The following TRIM72 variants were observed in gnomAD, a reference collection of about 807,000 sequenced individuals.
The protein encoded by TRIM72 is tripartite motif-containing protein 72.
A neutral mutation model predicts 31.6 loss-of-function variants in TRIM72; 33 were observed. The ratio of observed to expected loss-of-function variants is 1.04; its 90% CI spans 0.79 to 1.40. The LOEUF (loss-of-function observed/expected upper bound fraction) is 1.40, where lower values mean the gene tolerates loss of function less well. Among genes scored for constraint, TRIM72 ranks in the 40% most tolerant of loss-of-function variants. TRIM72 has a pLI of 0.00. For missense variants in TRIM72, 666 were observed against 682.7 expected (o/e 0.98, Z 0.27); for synonymous variants, 301 against 314.4 (o/e 0.96, Z 0.45).
In TRIM72 at chr16:31,216,450, A is replaced by G. The variant is rs2079509035; in HGVS notation, c.390+1322A>G. ...AAAAAAAACAAAAAACAAACAAACA[A>G]AAAAAACCCAACCTCGCCCAACCTT... On this transcript the variant is annotated intron_variant, in intron 2 of 6. Transcript: ENST00000322122. This position sits in a 1 kb window ranked among gnomAD's most constrained non-coding sequence, Gnocchi z 6.7. The G allele has an allele frequency of 5.2e-6, 2 of 383,118 alleles. No individual in the cohort carries two copies. The highest frequency in any genetic ancestry group is 9.3e-6 in the Non-Finnish European group (2 of 214,510). The allele number at this position is 383,118 out of a possible 1,614,324, so 23.7% of individuals were successfully genotyped here. A position where few individuals can be genotyped will look rare whatever the true frequency, so the allele number is the denominator to read the frequency against.
At chr16:31,223,082 G>A in intron 6 of TRIM72, 137 bp downstream of exon 6, 1 of 697,186 alleles carries the variant, frequency 1.4e-6, no homozygotes, top group Non-Finnish European at 2.5e-6. Context: ...CCTCTGGACT[G>A]CCGCTGCAGT....
At chr16:31,214,453 G>A (rs1013253731) in intron 1 of TRIM72, among the ~76,000 whole-genome samples, 156 bp downstream of exon 1, 2 of 152,212 alleles carry the variant, frequency 1.3e-5, no homozygotes, top group African/African-American at 4.8e-5. Context: ...AGGACAGTGG[G>A]CTAGAATCTG....
In TRIM72 at chr16:31,215,734, G is replaced by C. The variant is rs1201980822; in HGVS notation, c.390+606G>C. 6.6e-6 allele frequency among the ~76,000 whole-genome samples: 1 copy of C among 152,216 alleles called. No individual in the cohort carries two copies. Among genetic ancestry groups the C allele is most frequent in the Non-Finnish European group, 1.5e-5 (1 of 68,040 alleles). On this transcript the variant is annotated intron_variant, in intron 2 of 6. Transcript: ENST00000322122. The surrounding 1 kb of genome is among the most constrained non-coding windows in gnomAD (Gnocchi z 6.3). ...AGCCGGGATCTGCACTTATGTGTGC[G>C]GGCCCAGGGTGGCACCGAGAGCCCC...
rs200183365 is a variant in TRIM72 at position 31,219,554 on chromosome 16, C to T, written c.717+35C>T. The T allele has an allele frequency of 4.0e-4, 628 of 1,566,436 alleles. No homozygotes were observed. Among genetic ancestry groups the T allele is most frequent in the Non-Finnish European group, 5.1e-4 (591 of 1,150,776 alleles). On this transcript the variant is annotated intron_variant, in intron 4 of 6. Transcript: ENST00000322122. The surrounding 1 kb of genome is among the most constrained non-coding windows in gnomAD (Gnocchi z 4.2). ...GGGTGACCCCCCTCCCTGCCTCAGC[C>T]CCCTGCTCAGGGCCCAGAGACCTCA...
rs2079553964 is a variant in TRIM72 at position 31,225,912 on chromosome 16, G to A, written c.*1157G>A. 1 of 151,358 alleles carries A rather than the reference G, an allele frequency of 6.6e-6. No individual in the cohort carries two copies. Among genetic ancestry groups the A allele is most frequent in the South Asian group, 2.1e-4 (1 of 4,800 alleles). The allele number at this position is 151,358 out of a possible 1,614,324, so 9.4% of individuals were successfully genotyped here. On this transcript the variant is annotated 3_prime_UTR_variant, in exon 7 of 7. Coordinates refer to ENST00000322122, the MANE Select transcript of TRIM72 (RefSeq NM_001008274.4). The stretch of plus-strand genomic sequence containing the variant: ...GATTCACCCGCCTTGGCCTCCCATA[G>A]TGCTGGGATTACAGACATGAGCCAC...
intron 2 of TRIM72, chr16:31,217,100 A>C: frequency 6.8e-7 from 1 of 1,470,314 alleles, no homozygotes; most frequent in Non-Finnish European, 9.2e-7. Context: ...CAGCAGGTGG[A>C]GCTGCCGCCC....
chr16:31,223,112 G>A (rs1025942054), intron 6 of TRIM72, among the ~76,000 whole-genome samples, 167 bp downstream of exon 6: 2 of 152,134 alleles, frequency 1.3e-5, no homozygotes, highest in African/African-American at 4.8e-5. Flanking sequence ...TGTGTTGGGA[G>A]GAGGGCCTTT....
intron 6 of TRIM72, among the ~76,000 whole-genome samples, 175 bp downstream of exon 6, chr16:31,223,120 T>C (rs1032688191): frequency 2.0e-5 from 3 of 152,072 alleles, no homozygotes; most frequent in Admixed American, 1.3e-4. Context: ...GAGGAGGGCC[T>C]TTGAGAGCAT....
chr16:31,214,888 C>A lies in TRIM72; in HGVS notation c.150C>A (p.Thr50=). ...CCGGGGAGCCGGCGGCGGATGGCAC[C>A]GTTCTCTGCCCCTGCTGCCAGGCCC... ...RVAGEPAADG[T]VLCPCCQAPT... Residue 50 remains threonine (T), a synonymous_variant, in exon 2 of 7, where the codon ACC becomes ACA. Coordinates refer to ENST00000322122, the MANE Select transcript of TRIM72 (RefSeq NM_001008274.4). 6.6e-7 allele frequency: 1 copy of A among 1,525,650 alleles called. No individual in the cohort carries two copies. Among genetic ancestry groups the A allele is most frequent in the African/African-American group, 1.4e-5 (1 of 70,660 alleles). 94.5% of individuals were successfully genotyped at this position (1,525,650 alleles called of 1,614,324 possible). A position where few individuals can be genotyped will look rare whatever the true frequency, so the allele number is the denominator to read the frequency against.
rs943086158 is a variant in TRIM72 at position 31,215,550 on chromosome 16, G to A, written c.390+422G>A. 6.6e-6 allele frequency among the ~76,000 whole-genome samples: 1 copy of A among 152,074 alleles called. No homozygotes were observed. On this transcript the variant is annotated intron_variant, in intron 2 of 6. Transcript: ENST00000322122. The surrounding 1 kb of genome is among the most constrained non-coding windows in gnomAD (Gnocchi z 6.3). The stretch of plus-strand genomic sequence containing the variant: ...CCCTGCTCGGCGCTGGCCCACTTTG[G>A]ACTGGAGGCGCGGCGTTCGGGACCG...
chr16:31,214,798 G>C lies in TRIM72; in HGVS notation c.60G>C (p.Leu20=), dbSNP rs750079170. ...QELSCPLCLQ[L]FDAPVTAECG... ...TGTCCTGCCCGCTGTGCCTGCAGCT[G>C]TTCGACGCGCCCGTGACAGCCGAGT... The change falls in exon 2 of 7, where the codon CTG becomes CTC. Residue 20 remains leucine, a synonymous_variant. Coordinates refer to ENST00000322122, the MANE Select transcript of TRIM72 (RefSeq NM_001008274.4). 3 of 1,580,760 alleles carry C rather than the reference G, an allele frequency of 1.9e-6. 1 individual carries two copies. The South Asian group carries it at 3.4e-5, about 18-fold the overall frequency.
chr16:31,220,887 T>C lies in TRIM72; in HGVS notation c.718-9T>C, dbSNP rs941610020. ...GCTTCACCACCATTCTCTTTTTCTCTCTCTCCAGAAATACTGCCTGGTGAC... is the reference window on the plus strand; with the variant it reads ...GCTTCACCACCATTCTCTTTTTCTCCCTCTCCAGAAATACTGCCTGGTGAC... On this transcript the variant is annotated splice_polypyrimidine_tract_variant and intron_variant, in intron 4 of 6. Transcript: ENST00000322122. The C allele has an allele frequency of 1.9e-6, 3 of 1,614,028 alleles. No individual in the cohort carries two copies. The East Asian group carries it at 6.7e-5, about 36-fold the overall frequency.
At chr16:31,218,961 T>C (rs1596939436) in intron 2 of TRIM72, 134 bp from the exon 3 acceptor site, 2 of 753,936 alleles carry the variant, frequency 2.7e-6, no homozygotes. Context: ...GGCATGTAAG[T>C]GGGTTTGGGG....
In TRIM72 at chr16:31,224,755, A is replaced by C. The variant is rs1316026147; in HGVS notation, c.1434A>C (p.Ter478CysextTer14). 2 of 1,476,106 alleles carry C rather than the reference A, an allele frequency of 1.4e-6. No individual in the cohort carries two copies. The highest frequency in any genetic ancestry group is 4.8e-5 in the Admixed American group (2 of 42,094). 91.4% of individuals were successfully genotyped at this position (1,476,106 alleles called of 1,614,324 possible). A position where few individuals can be genotyped will look rare whatever the true frequency, so the allele number is the denominator to read the frequency against. The change falls in exon 7 of 7, where the codon TGA (stop) becomes TGC (cysteine). Residue 478 changes from the stop codon to cysteine (C), a stop_lost. Coordinates refer to ENST00000322122, the MANE Select transcript of TRIM72 (RefSeq NM_001008274.4). ...LLVGPEGAEA* is the reference protein window; with the variant it reads ...LLVGPEGAEAC The stretch of plus-strand genomic sequence containing the variant: ...TGGGTCCCGAAGGCGCCGAGGCCTG[A>C]GCCGCCGGACGGGTAGTGGAGGGGC...
Position 31,230,549 on chromosome 16 carries a change from ACC to A in TRIM72, c.*5797_*5798del, listed in dbSNP as rs1458483180. On this transcript the variant is annotated 3_prime_UTR_variant, in exon 7 of 7. Transcript: ENST00000322122. ...AGACCGTCCTGGTTAACATGTTGAA[ACC>A]CCGTCTCTACTAAAAATACAAAAAA... The A allele has an allele frequency of 6.6e-5, 10 of 151,302 alleles. No homozygotes were observed. The highest frequency in any genetic ancestry group is 1.2e-4 in the Non-Finnish European group (8 of 67,908). 9.4% of individuals were successfully genotyped at this position (151,302 alleles called of 1,614,324 possible).
chr16:31,222,665 C>G (rs1214655022), intron 5 of TRIM72, among the ~76,000 whole-genome samples, 162 bp from the exon 6 acceptor site: 1 of 151,964 alleles, frequency 6.6e-6, no homozygotes, highest in African/African-American at 2.4e-5. Context: ...TCACATTGTA[C>G]AACCATCACC....
intron 5 of TRIM72, 87 bp from the exon 6 acceptor site, chr16:31,222,740 G>A: frequency 1.5e-6 from 1 of 669,736 alleles, no homozygotes; most frequent in Non-Finnish European, 2.5e-6. Context: ...GTTTTAAGCA[G>A]GGGTGCGATG....
intron 5 of TRIM72, among the ~76,000 whole-genome samples, chr16:31,221,290 G>A (rs1034236736): frequency 2.6e-5 from 4 of 151,664 alleles, no homozygotes; most frequent in African/African-American, 9.7e-5. Flanking sequence ...AAGGCATTGC[G>A]GGGAGAAGGG....
rs763684056 is a variant in TRIM72 at position 31,224,539 on chromosome 16, C to G, written c.1218C>G (p.Pro406=). The G allele has an allele frequency of 3.9e-6, 6 of 1,525,194 alleles. No homozygotes were observed. The highest frequency in any genetic ancestry group is 4.9e-5 in the East Asian group (2 of 40,898). 94.5% of individuals were successfully genotyped at this position (1,525,194 alleles called of 1,614,324 possible). A position where few individuals can be genotyped will look rare whatever the true frequency, so the allele number is the denominator to read the frequency against. Residue 406 remains proline, a synonymous_variant, in exon 7 of 7, where the codon CCC becomes CCG. Transcript: ENST00000322122. The part of the protein sequence containing the change: ...EAKEPRALRS[P]ERRPTRIGLY... ...AGGAGCCGCGCGCTCTGCGCAGCCC[C>G]GAGAGGCGGCCCACGCGCATTGGCC...
Sources: gnomAD v4.1 joint callset for allele counts (sites outside exome capture counted in the v4.1 genomes callset) on GRCh38, gnomAD v4.1.1 for gene constraint, Gnocchi (gnomAD v3.1) non-coding constraint, MANE v1.5 for transcripts, NCBI Gene and HGNC (gene_info 2026-07-23, HGNC 2026-07-21) for gene names.